Variants in UMAD1 observed in about 807,000 individuals in gnomAD.
UMAD1 encodes UBAP1-MVB12-associated (UMA)-domain containing protein 1.
UMAD1 carries 8 observed loss-of-function variants against 6.1 expected under a neutral mutation model. The ratio of observed to expected loss-of-function variants is 1.30; its 90% CI spans 0.76 to 2.35. UMAD1 has a LOEUF of 2.35. UMAD1 is among the 30% of genes most tolerant of loss of function. The probability of loss-of-function intolerance (pLI) is 0.00; values close to 1 mark genes in which losing one functional copy is unlikely to be tolerated. For synonymous variants in UMAD1, 56 were observed against 31.4 expected, an observed-to-expected ratio of 1.78 and a Z score of -2.61; for missense variants, 130 against 78.4, an observed-to-expected ratio of 1.66 and a Z score of -2.49.
At chr7:7,722,157 C>CTA (rs1001676838) in intron 2 of UMAD1, among the ~76,000 whole-genome samples, 2,626 of 122,714 alleles carry the variant, frequency 0.021, 50 homozygotes, top group African/African-American at 0.05. Flanking sequence ...CTCTCTCTCT[C>CTA]TATATATATA....
chr7:7,828,899 T>C (rs1339255993), intron 3 of UMAD1, among the ~76,000 whole-genome samples: 3 of 152,130 alleles, frequency 2.0e-5, no homozygotes, highest in Non-Finnish European at 2.9e-5. Flanking sequence ...TGAACTCTAT[T>C]TTGTATGTGG....
chr7:7,662,038 C>A (rs995588091), intron 1 of UMAD1, among the ~76,000 whole-genome samples: 4 of 152,188 alleles, frequency 2.6e-5, no homozygotes, highest in Admixed American at 6.5e-5. Context: ...GGCAGTCTGG[C>A]TACAGCGGCT....
At chr7:7,751,290 C>A (rs1174838836) in intron 2 of UMAD1, among the ~76,000 whole-genome samples, 1 of 152,096 alleles carries the variant, frequency 6.6e-6, no homozygotes. Flanking sequence ...GCAAATAAAA[C>A]TTTTAGAGTT....
At chr7:7,656,570 G>A (rs958734307) in intron 1 of UMAD1, among the ~76,000 whole-genome samples, 4 of 151,196 alleles carry the variant, frequency 2.6e-5, no homozygotes, top group African/African-American at 4.8e-5. Flanking sequence ...TGTGGTGTTT[G>A]GTTTTCTGTT....
At chr7:7,705,674 T>A (rs1164055578) in intron 2 of UMAD1, among the ~76,000 whole-genome samples, 1 of 152,208 alleles carries the variant, frequency 6.6e-6, no homozygotes, top group Non-Finnish European at 1.5e-5. Context: ...TTTTTAGGAT[T>A]TTTAGGGTAG....
intron 2 of UMAD1, among the ~76,000 whole-genome samples, chr7:7,712,648 A>G (rs1780795050): frequency 1.3e-5 from 2 of 152,170 alleles, no homozygotes; most frequent in African/African-American, 2.4e-5. Context: ...GTTTCATTCA[A>G]ATCCTTGTGG....
chr7:7,714,094 A>G (rs28912683), intron 2 of UMAD1, among the ~76,000 whole-genome samples: 8,210 of 152,266 alleles, frequency 0.054, 258 homozygotes, highest in Middle Eastern at 0.12. Flanking sequence ...TATCTTTTTG[A>G]TGAAGATTTT....
intron 2 of UMAD1, among the ~76,000 whole-genome samples, chr7:7,746,682 A>G (rs1431627827): frequency 6.6e-6 from 1 of 152,264 alleles, no homozygotes; most frequent in Non-Finnish European, 1.5e-5. Flanking sequence ...CATATGAGAC[A>G]AATAGCAGCA....
intron 1 of UMAD1, among the ~76,000 whole-genome samples, chr7:7,662,020 T>A (rs896747922): frequency 6.6e-6 from 1 of 152,120 alleles, no homozygotes; most frequent in Non-Finnish European, 1.5e-5. Flanking sequence ...AGAGGAGGAA[T>A]CTAGAGAGGC....
intron 3 of UMAD1, among the ~76,000 whole-genome samples, chr7:7,849,678 T>G (rs75746658): frequency 0.011 from 1,661 of 152,294 alleles, 37 homozygotes; most frequent in African/African-American, 0.039. Flanking sequence ...GTTTACCATT[T>G]AGTAGGAGAT....
intron 2 of UMAD1, among the ~76,000 whole-genome samples, chr7:7,715,523 A>G (rs1312466721): frequency 6.6e-6 from 1 of 152,184 alleles, no homozygotes; most frequent in Non-Finnish European, 1.5e-5. Context: ...ATATCTGAAT[A>G]TTTCTGTGTG....
In UMAD1 at chr7:7,845,837, A is replaced by G. The variant is rs1255945842; in HGVS notation, c.157-31444A>G. Among the ~76,000 whole-genome samples the G allele has an allele frequency of 1.3e-5, 2 of 152,124 alleles. 1 individual carries two copies. The highest frequency in any genetic ancestry group is 3.8e-4 in the East Asian group (2 of 5,196). On this transcript the variant is annotated intron_variant, in intron 3 of 3. Coordinates refer to ENST00000682710, the MANE Select transcript of UMAD1 (RefSeq NM_001302348.2). ...AATATGTCATAAATTACAAATTTTT[A>G]TTGGGTATCTTCCAATAACAGCTAT...
In UMAD1 at chr7:7,817,292, G is replaced by A. The variant is rs187413837; in HGVS notation, c.156+15549G>A. On this transcript the variant is annotated intron_variant, in intron 3 of 3. Coordinates refer to ENST00000682710, the MANE Select transcript of UMAD1 (RefSeq NM_001302348.2). Reference sequence around the variant, plus strand: ...CAGGAGTGCCATGAAGTGGGGATTCGGGTTGACTCATCATTGTTCCCTGTG... The same window carrying A: ...CAGGAGTGCCATGAAGTGGGGATTCAGGTTGACTCATCATTGTTCCCTGTG... 3.3e-5 allele frequency among the ~76,000 whole-genome samples: 5 copies of A among 152,224 alleles called. No individual in the cohort carries two copies. In the East Asian group the frequency reaches 7.7e-4, roughly 24 times the overall value.
chr7:7,716,883 A>T (rs190342243), intron 2 of UMAD1, among the ~76,000 whole-genome samples: 3 of 152,086 alleles, frequency 2.0e-5, no homozygotes, highest in Admixed American at 6.5e-5. Flanking sequence ...GAGGCGGAGC[A>T]TGCTATGTAA....
In UMAD1 at chr7:7,826,528, G is replaced by A. The variant is rs540616939; in HGVS notation, c.156+24785G>A. On this transcript the variant is annotated intron_variant, in intron 3 of 3. Transcript: ENST00000682710. ...CTTCCCACCATTTGTTATTTCTTTC[G>A]CCTCAATTGGTGAATAGAAAAATGG... Among the ~76,000 whole-genome samples the A allele has an allele frequency of 4.6e-5, 7 of 152,006 alleles. No individual in the cohort carries two copies. In the East Asian group the frequency reaches 5.8e-4, roughly 13 times the overall value.
At chr7:7,776,757 T>C (rs932688060) in intron 2 of UMAD1, among the ~76,000 whole-genome samples, 2 of 152,218 alleles carry the variant, frequency 1.3e-5, no homozygotes, top group African/African-American at 4.8e-5. Flanking sequence ...AGAATCATTT[T>C]CCAATTTCTG....
chr7:7,869,338 A>G (rs1473677532), intron 3 of UMAD1, among the ~76,000 whole-genome samples: 1 of 152,202 alleles, frequency 6.6e-6, no homozygotes, highest in African/African-American at 2.4e-5. Context: ...TCAAAGAAGC[A>G]CGTCTTTTAT....
chr7:7,762,564 A>T (rs1271069904), intron 2 of UMAD1, among the ~76,000 whole-genome samples: 1 of 152,196 alleles, frequency 6.6e-6, no homozygotes, highest in East Asian at 1.9e-4. Context: ...GGGATGCCTC[A>T]TGGAAATTAC....
At chr7:7,656,509 C>T (rs1451272564) in intron 1 of UMAD1, among the ~76,000 whole-genome samples, 1 of 152,084 alleles carries the variant, frequency 6.6e-6, no homozygotes, top group East Asian at 1.9e-4. Flanking sequence ...ATGTTCCCCT[C>T]CCTGTGTCCA....
Sources: allele counts gnomAD v4.1 joint callset (sites outside exome capture counted in the v4.1 genomes callset), GRCh38; gene constraint gnomAD v4.1.1; transcripts MANE v1.5; gene names NCBI Gene and HGNC (gene_info 2026-07-23, HGNC 2026-07-21).